Variants in MTUS1 observed in about 807,000 individuals in gnomAD.
The protein encoded by MTUS1 is microtubule associated scaffold protein 1.
In MTUS1, 109 loss-of-function variants were observed where a neutral mutation model predicts 120.8. The ratio of observed to expected loss-of-function variants is 0.90; its 90% CI spans 0.77 to 1.06. The LOEUF is 1.06. Among genes scored for constraint, MTUS1 ranks in the 50% least tolerant of loss-of-function variants. The pLI, the probability that MTUS1 is intolerant of heterozygous loss-of-function variation, is 0.00. For synonymous variants in MTUS1, 737 were observed against 550.5 expected, an observed-to-expected ratio of 1.34 and a Z score of -4.74; for missense variants, 2,210 against 1,486.3, an observed-to-expected ratio of 1.49 and a Z score of -8.01.
At chr8:17,713,324 A>G (rs887145797) in intron 5 of MTUS1, 72 bp from the exon 6 acceptor site, 4 of 929,894 alleles carry the variant, frequency 4.3e-6, no homozygotes, top group East Asian at 2.5e-5. Flanking sequence ...AACCATGTTG[A>G]TAAGAATTAT....
chr8:17,729,984 C>CAA (rs36018422), intron 3 of MTUS1, among the ~76,000 whole-genome samples: 15 of 85,854 alleles, frequency 1.7e-4, no homozygotes, highest in Middle Eastern at 5.9e-3. Context: ...ATGCTATCAT[C>CAA]AAAAAAAAAA....
chr8:17,646,561 C>T (rs1444171695), intron 14 of MTUS1, among the ~76,000 whole-genome samples: 1 of 152,132 alleles, frequency 6.6e-6, no homozygotes, highest in East Asian at 1.9e-4. Flanking sequence ...GTACTCCAGC[C>T]TGGGCAGAAG....
chr8:17,743,943 A>T (rs1481553819), intron 2 of MTUS1, 144 bp from the exon 3 acceptor site: 1 of 632,982 alleles, frequency 1.6e-6, no homozygotes, highest in African/African-American at 1.8e-5. Context: ...GAGGTCAGAC[A>T]TGCCTCATTA....
In MTUS1 at chr8:17,754,031, G is replaced by A. The variant is rs758940764; in HGVS notation, c.1777C>T (p.His593Tyr). The A allele has an allele frequency of 1.2e-6, 2 of 1,614,038 alleles. No homozygotes were observed. The highest frequency in any genetic ancestry group is 1.3e-5 in the African/African-American group (1 of 74,906). Residue 593 changes from histidine (H) to tyrosine (Y), a missense_variant, in exon 2 of 15, where the codon CAT becomes TAT. Transcript: ENST00000693296. ...ACCCTGTGTGAAGCATTTTTAGAAT[G>A]AGTTGTAACATGCACAGCCTGGCTA... ...ITSQAVHVTTHSKNASHRVPR... is the reference protein window; with the variant it reads ...ITSQAVHVTTYSKNASHRVPR...
intron 3 of MTUS1, among the ~76,000 whole-genome samples, chr8:17,733,231 A>G (rs936891219): frequency 2.0e-5 from 3 of 151,958 alleles, no homozygotes; most frequent in Admixed American, 6.6e-5. Flanking sequence ...GGCACCTACA[A>G]TCTCAGCTAC....
chr8:17,730,355 G>A (rs888922625), intron 3 of MTUS1, among the ~76,000 whole-genome samples: 1 of 151,962 alleles, frequency 6.6e-6, no homozygotes, highest in East Asian at 1.9e-4. Context: ...CATGGTGGCG[G>A]GCACCTGTAA....
chr8:17,684,576 G>A (rs1485635263), intron 6 of MTUS1, 34 bp from the exon 7 acceptor site: 2 of 1,545,590 alleles, frequency 1.3e-6, no homozygotes, highest in Non-Finnish European at 1.8e-6. Flanking sequence ...ACAAAGATAG[G>A]TGAGGTTAAT....
intron 3 of MTUS1, among the ~76,000 whole-genome samples, chr8:17,733,631 C>T (rs925510391): frequency 6.6e-6 from 1 of 152,066 alleles, no homozygotes; most frequent in African/African-American, 2.4e-5. Flanking sequence ...TAAAACAGGG[C>T]CCCGCATCCC....
At chr8:17,731,780 T>C (rs2046600732) in intron 3 of MTUS1, among the ~76,000 whole-genome samples, 1 of 152,200 alleles carries the variant, frequency 6.6e-6, no homozygotes, top group South Asian at 2.1e-4. Context: ...GATGAAACAA[T>C]GAATACAAAG....
chr8:17,761,467 T>C (rs1384723502), intron 1 of MTUS1, among the ~76,000 whole-genome samples: 1 of 152,194 alleles, frequency 6.6e-6, no homozygotes, highest in Non-Finnish European at 1.5e-5. Context: ...ATCAACTGCA[T>C]GACGTGACCA....
At chr8:17,769,283 C>A (rs1235652265) in intron 1 of MTUS1, among the ~76,000 whole-genome samples, 1 of 146,708 alleles carries the variant, frequency 6.8e-6, no homozygotes, top group African/African-American at 2.5e-5. Context: ...TCCAAACCAG[C>A]ATGTGGAAGA....
intron 6 of MTUS1, among the ~76,000 whole-genome samples, chr8:17,708,594 T>C (rs1345950498): frequency 6.6e-6 from 1 of 152,252 alleles, no homozygotes; most frequent in African/African-American, 2.4e-5. Flanking sequence ...TTTCTGATAA[T>C]GGTTAACTAA....
intron 4 of MTUS1, chr8:17,722,604 C>T (rs924286865): frequency 4.1e-5 from 40 of 983,730 alleles, no homozygotes; most frequent in Admixed American, 6.2e-5. Context: ...CTAGGTGACC[C>T]GTCGGAAATG....
At chr8:17,701,992 T>C (rs960107463) in intron 6 of MTUS1, among the ~76,000 whole-genome samples, 9 of 152,242 alleles carry the variant, frequency 5.9e-5, no homozygotes, top group African/African-American at 1.9e-4. Context: ...TTTATATTGT[T>C]ATTTTAATGG....
chr8:17,676,403 C>T (rs1350084270), intron 7 of MTUS1: 2 of 700,568 alleles, frequency 2.9e-6, no homozygotes, highest in African/African-American at 1.7e-5. Context: ...GCGCCACCCA[C>T]CAGTCGGGTC....
intron 5 of MTUS1, 72 bp downstream of exon 5, chr8:17,715,695 A>C (rs968237096): frequency 5.0e-5 from 73 of 1,458,388 alleles, no homozygotes; most frequent in South Asian, 2.0e-4. Flanking sequence ...TAATTGTCAA[A>C]ATTTAACTTT....
At chr8:17,736,035 A>G (rs2046902859) in intron 3 of MTUS1, among the ~76,000 whole-genome samples, 1 of 152,186 alleles carries the variant, frequency 6.6e-6, no homozygotes, top group East Asian at 1.9e-4. Context: ...TTAAGAGGGC[A>G]TATTTGCTTA....
At chr8:17,674,567 GT>G in intron 8 of MTUS1, 1 of 985,920 alleles carries the variant, frequency 1.0e-6, no homozygotes, top group Non-Finnish European at 1.2e-6. Context: ...GGTGGTGGGT[GT>G]TGAGACCTGG....
At chr8:17,756,086 G>C in intron 1 of MTUS1, 125 bp from the exon 2 acceptor site, 1 of 398,104 alleles carries the variant, frequency 2.5e-6, no homozygotes, top group Non-Finnish European at 4.2e-6. Flanking sequence ...CACAACTACT[G>C]ATGTGGGTAA....
Sources: gnomAD v4.1 joint callset for allele counts (sites outside exome capture counted in the v4.1 genomes callset) on GRCh38, gnomAD v4.1.1 for gene constraint, MANE v1.5 for transcripts, NCBI Gene and HGNC (gene_info 2026-07-23, HGNC 2026-07-21) for gene names.